The following TIMP2 variants were observed in gnomAD, a reference collection of about 807,000 sequenced individuals.
The protein encoded by TIMP2 is metalloproteinase inhibitor 2.
Under a neutral mutation model 24.3 loss-of-function variants are expected in TIMP2, and 5 were observed. The observed-to-expected ratio is 0.21, with a 90% CI of 0.11 to 0.43. The LOEUF (loss-of-function observed/expected upper bound fraction) is 0.43. TIMP2 is among the 20% of genes least tolerant of loss of function. The pLI is 1.00. For synonymous variants in TIMP2, 130 were observed against 123.2 expected, an observed-to-expected ratio of 1.06 and a Z score of -0.37; for missense variants, 221 against 297.5, an observed-to-expected ratio of 0.74 and a Z score of 1.89.
intron 3 of TIMP2, among the ~76,000 whole-genome samples, chr17:78,860,135 C>T (rs2069556130): frequency 6.6e-6 from 1 of 151,618 alleles, no homozygotes; most frequent in South Asian, 2.1e-4. Flanking sequence ...AAGATCAAGC[C>T]ACTGCACTCC....
rs2070298260 is a variant in TIMP2 at position 78,920,129 on chromosome 17, T to C, written c.130+4830A>G. On this transcript the variant is annotated intron_variant, in intron 1 of 4. Coordinates refer to ENST00000262768, the MANE Select transcript of TIMP2 (RefSeq NM_003255.5). This position sits in a 1 kb window ranked among gnomAD's most constrained non-coding sequence, Gnocchi z 4.5. ...CCCCACTGCATCGAGTCAGTGGTTC[T>C]GCATCAGGACTGGAGACGGCTGCCC... Among the ~76,000 whole-genome samples, 1 of 152,230 alleles carries C rather than the reference T, an allele frequency of 6.6e-6. No individual in the cohort carries two copies. The highest frequency in any genetic ancestry group is 2.4e-5 in the African/African-American group (1 of 41,466).
intron 1 of TIMP2, among the ~76,000 whole-genome samples, chr17:78,882,034 G>A (rs886434394): frequency 6.6e-6 from 1 of 152,126 alleles, no homozygotes; most frequent in Non-Finnish European, 1.5e-5. Flanking sequence ...GCACGACGTT[G>A]GCTCACTGCA....
At chr17:78,911,422 GTTTTTGTTTTTTGT>G (rs144741771) in intron 1 of TIMP2, among the ~76,000 whole-genome samples, 1 of 151,680 alleles carries the variant, frequency 6.6e-6, no homozygotes, top group Admixed American at 6.6e-5. Flanking sequence ...TGCTTTTGTT[GTTTTTGTTTTTTGT>G]TTTTTGTTTT....
chr17:78,891,870 G>A lies in TIMP2; in HGVS notation c.131-17951C>T, dbSNP rs935785248. On this transcript the variant is annotated intron_variant, in intron 1 of 4. Transcript: ENST00000262768. This position sits in a 1 kb window ranked among gnomAD's most constrained non-coding sequence, Gnocchi z 4.5. Reference sequence around the variant, plus strand: ...GGCGGGGCCAGGTGAGAATTCATCCGACCCGTGGCTTTTGTAGTCTGTGGT... The same window carrying A: ...GGCGGGGCCAGGTGAGAATTCATCCAACCCGTGGCTTTTGTAGTCTGTGGT... 37 of 1,550,534 alleles carry A rather than the reference G, an allele frequency of 2.4e-5. No individual in the cohort carries two copies. The highest frequency in any genetic ancestry group is 7.3e-5 in the East Asian group (3 of 40,926).
chr17:78,922,769 A>C (rs1331241289), intron 1 of TIMP2, among the ~76,000 whole-genome samples: 1 of 152,122 alleles, frequency 6.6e-6, no homozygotes, highest in African/African-American at 2.4e-5. Context: ...CAGCGAGCCG[A>C]GATTGCGCCA....
chr17:78,866,757 A>G (rs74525705), intron 3 of TIMP2, among the ~76,000 whole-genome samples: 1 of 152,154 alleles, frequency 6.6e-6, no homozygotes, highest in Non-Finnish European at 1.5e-5. Flanking sequence ...TGACCCTTGG[A>G]AACACGAAAG....
chr17:78,909,103 T>A lies in TIMP2; in HGVS notation c.130+15856A>T, dbSNP rs1314074907. On this transcript the variant is annotated intron_variant, in intron 1 of 4. Transcript: ENST00000262768. Reference sequence around the variant, plus strand: ...TGGCTCATGCCTGAAATCTTAGCACTTTGGGAGGCTGAGATGAGAGGATCA... The same window carrying A: ...TGGCTCATGCCTGAAATCTTAGCACATTGGGAGGCTGAGATGAGAGGATCA... Among the ~76,000 whole-genome samples, 4 of 152,092 alleles carry A rather than the reference T, an allele frequency of 2.6e-5. No homozygotes were observed. In the East Asian group the frequency reaches 7.7e-4, roughly 29 times the overall value.
At chr17:78,856,435 G>A (rs764514109) in intron 4 of TIMP2, 1 of 156,226 alleles carries the variant, frequency 6.4e-6, no homozygotes, top group Non-Finnish European at 1.4e-5. Flanking sequence ...TGCGGAGAAG[G>A]GGCTGGGGGC....
chr17:78,872,840 T>C (rs185718586), intron 2 of TIMP2, among the ~76,000 whole-genome samples: 8 of 152,152 alleles, frequency 5.3e-5, no homozygotes, highest in Admixed American at 3.9e-4. Flanking sequence ...TTTTTTTTTC[T>C]TTTTTTGAGA....
At chr17:78,919,590 T>C (rs1340848445) in intron 1 of TIMP2, among the ~76,000 whole-genome samples, 1 of 152,062 alleles carries the variant, frequency 6.6e-6, no homozygotes, top group African/African-American at 2.4e-5. Context: ...ATCTCAACAC[T>C]TTGGGAGGCC....
intron 1 of TIMP2, among the ~76,000 whole-genome samples, chr17:78,919,888 C>T (rs1268013256): frequency 1.3e-5 from 2 of 152,134 alleles, no homozygotes; most frequent in Non-Finnish European, 1.5e-5. Context: ...ACTTGCCCTC[C>T]GTCCCTGGTT....
intron 1 of TIMP2, among the ~76,000 whole-genome samples, chr17:78,875,968 C>T (rs537370676): frequency 4.9e-4 from 75 of 152,260 alleles, no homozygotes; most frequent in African/African-American, 1.6e-3. Context: ...CATGACTGGC[C>T]AAGGCCACAG....
At chr17:78,860,795 G>C (rs1376226289) in intron 3 of TIMP2, among the ~76,000 whole-genome samples, 1 of 152,106 alleles carries the variant, frequency 6.6e-6, no homozygotes, top group Non-Finnish European at 1.5e-5. Flanking sequence ...CAGCACTTTA[G>C]GAGGCCAGGG....
At chr17:78,878,324 C>T (rs765380732) in intron 1 of TIMP2, among the ~76,000 whole-genome samples, 7 of 152,174 alleles carry the variant, frequency 4.6e-5, no homozygotes, top group Non-Finnish European at 7.3e-5. Flanking sequence ...AAGACAGAGA[C>T]GATGACAACA....
At chr17:78,886,668 GC>G (rs1451431631) in intron 1 of TIMP2, among the ~76,000 whole-genome samples, 2 of 152,064 alleles carry the variant, frequency 1.3e-5, no homozygotes, top group Non-Finnish European at 2.9e-5. Flanking sequence ...TGCAACCCTA[GC>G]CCATGACATT....
intron 1 of TIMP2, chr17:78,901,749 C>T (rs1293124433): frequency 4.2e-6 from 3 of 717,220 alleles, no homozygotes; most frequent in Non-Finnish European, 7.8e-6. Context: ...CCACGAGAAG[C>T]ACCTGAAATG....
At chr17:78,859,015 C>T (rs2069547458) in intron 3 of TIMP2, among the ~76,000 whole-genome samples, 1 of 152,118 alleles carries the variant, frequency 6.6e-6, no homozygotes, top group South Asian at 2.1e-4. Context: ...ACACATAAAA[C>T]GTCATGCAGT....
chr17:78,907,699 T>C (rs2070173337), intron 1 of TIMP2, among the ~76,000 whole-genome samples: 1 of 152,238 alleles, frequency 6.6e-6, no homozygotes, highest in Non-Finnish European at 1.5e-5. Context: ...AGCCGTGATA[T>C]TCAATTCATG....
In TIMP2 at chr17:78,891,726, CA is replaced by C; in HGVS notation, c.131-17808del. ...TCCTCCACAAGCCCGATTTCTCCCACAGCAGCCACGAGTGGGTTTGACCTTT... is the reference window on the plus strand; with the variant it reads ...TCCTCCACAAGCCCGATTTCTCCCACGCAGCCACGAGTGGGTTTGACCTTT... On this transcript the variant is annotated intron_variant, in intron 1 of 4. Coordinates refer to ENST00000262768, the MANE Select transcript of TIMP2 (RefSeq NM_003255.5). The surrounding 1 kb of genome is among the most constrained non-coding windows in gnomAD (Gnocchi z 4.5). 1 of 1,551,232 alleles carries C rather than the reference CA, an allele frequency of 6.4e-7. No individual in the cohort carries two copies. The highest frequency in any genetic ancestry group is 8.7e-7 in the Non-Finnish European group (1 of 1,147,130).
Sources: gnomAD v4.1 joint callset for allele counts (sites outside exome capture counted in the v4.1 genomes callset) on GRCh38, gnomAD v4.1.1 for gene constraint, Gnocchi (gnomAD v3.1) non-coding constraint, MANE v1.5 for transcripts, NCBI Gene and HGNC (gene_info 2026-07-23, HGNC 2026-07-21) for gene names.